PDE11A: variants seen among roughly 807,000 people sequenced by gnomAD.
PDE11A encodes dual 3',5'-cyclic-AMP and -GMP phosphodiesterase 11A.
Under a neutral mutation model 100.5 loss-of-function variants are expected in PDE11A, and 100 were observed. That is an observed-to-expected ratio of 1.00 (90% CI 0.85 to 1.18). The LOEUF is 1.18. Ranked by LOEUF, PDE11A falls within the 50% of genes most tolerant of loss-of-function variation. The probability of loss-of-function intolerance (pLI) is 0.00; values close to 1 mark genes in which losing one functional copy is unlikely to be tolerated. For synonymous variants in PDE11A, 381 were observed against 420.8 expected (o/e 0.91, Z 1.16); for missense variants, 1,141 against 1,152.6 (o/e 0.99, Z 0.15).
intron 5 of PDE11A, among the ~76,000 whole-genome samples, chr2:177,855,212 T>A (rs986136265): frequency 1.3e-5 from 2 of 152,138 alleles, no homozygotes; most frequent in Non-Finnish European, 2.9e-5. Context: ...GGAAATATTT[T>A]GTCTCATATC....
intron 9 of PDE11A, among the ~76,000 whole-genome samples, chr2:177,783,798 T>C (rs779704357): frequency 1.3e-5 from 2 of 152,240 alleles, no homozygotes; most frequent in African/African-American, 2.4e-5. Flanking sequence ...ATTGATCTCT[T>C]CCTATAAGCA....
chr2:177,802,691 G>A (rs916681341), intron 9 of PDE11A, among the ~76,000 whole-genome samples: 1 of 151,982 alleles, frequency 6.6e-6, no homozygotes, highest in Non-Finnish European at 1.5e-5. Flanking sequence ...TCTGGGGGTA[G>A]CAGTGATATC....
intron 6 of PDE11A, among the ~76,000 whole-genome samples, chr2:177,829,850 T>C (rs1265584817): frequency 6.6e-6 from 1 of 151,948 alleles, no homozygotes; most frequent in African/African-American, 2.4e-5. Context: ...TTCCCTTGAG[T>C]GTGGACAGGG....
rs530008409 is a variant in PDE11A at position 177,640,181 on chromosome 2, G to C, written c.2647-10619C>G. On this transcript the variant is annotated intron_variant, in intron 19 of 19. Coordinates refer to ENST00000286063, the MANE Select transcript of PDE11A (RefSeq NM_016953.4). The stretch of plus-strand genomic sequence containing the variant: ...TATACCATAGAGGAGAAAGAACTTA[G>C]AGTATTTTTTAATGTTGATTTTTAA... 2.0e-5 allele frequency among the ~76,000 whole-genome samples: 3 copies of C among 152,254 alleles called. No homozygotes were observed. In the South Asian group the frequency reaches 6.2e-4, roughly 32 times the overall value.
In PDE11A at chr2:177,749,352, C is replaced by T. The variant is rs186582744; in HGVS notation, c.1788+19971G>A. Among the ~76,000 whole-genome samples the T allele has an allele frequency of 6.6e-4, 101 of 152,296 alleles. 1 individual carries two copies. The Middle Eastern group carries it at 0.014, about 21-fold the overall frequency. ...TTGGCCTCATAAAGTGCTGGGATTA[C>T]AGGCATGAGCCACTGTAGGAGCTAA... On this transcript the variant is annotated intron_variant, in intron 10 of 19. Transcript: ENST00000286063.
At chr2:177,630,412 T>C (rs1210958165) in intron 19 of PDE11A, among the ~76,000 whole-genome samples, 1 of 152,198 alleles carries the variant, frequency 6.6e-6, no homozygotes, top group Non-Finnish European at 1.5e-5. Flanking sequence ...GTAAGATGGC[T>C]TACTTTAATT....
intron 10 of PDE11A, among the ~76,000 whole-genome samples, chr2:177,731,072 A>G (rs2081681362): frequency 1.3e-5 from 2 of 152,222 alleles, no homozygotes; most frequent in Non-Finnish European, 2.9e-5. Flanking sequence ...TTGACTCAGC[A>G]TAATGTCCTC....
At chr2:177,900,234 G>C (rs1410550908) in intron 3 of PDE11A, among the ~76,000 whole-genome samples, 5 of 152,190 alleles carry the variant, frequency 3.3e-5, no homozygotes, top group African/African-American at 1.2e-4. Context: ...TACATAGTCA[G>C]TGAATTGCCC....
intron 1 of PDE11A, among the ~76,000 whole-genome samples, chr2:178,033,872 T>A (rs1322327472): frequency 6.6e-6 from 1 of 152,204 alleles, no homozygotes; most frequent in Non-Finnish European, 1.5e-5. Context: ...CCACAAAGCC[T>A]GCCTTACAAG....
chr2:178,021,315 C>T (rs2086408714), intron 1 of PDE11A, among the ~76,000 whole-genome samples: 2 of 152,142 alleles, frequency 1.3e-5, no homozygotes, highest in African/African-American at 2.4e-5. Context: ...CATGCTTTGT[C>T]TGTGTCTTCA....
intron 5 of PDE11A, among the ~76,000 whole-genome samples, chr2:177,842,389 C>G (rs1232241689): frequency 5.9e-5 from 9 of 152,180 alleles, no homozygotes; most frequent in Admixed American, 5.9e-4. Context: ...TAGAAGGAAA[C>G]AGCAGGAACA....
chr2:177,775,143 C>T (rs1038032396), intron 9 of PDE11A, among the ~76,000 whole-genome samples: 18 of 152,124 alleles, frequency 1.2e-4, no homozygotes, highest in Admixed American at 1.1e-3. Flanking sequence ...AAGAATGTAG[C>T]CTTACATACA....
chr2:177,657,817 T>C (rs1026014764), intron 19 of PDE11A, among the ~76,000 whole-genome samples: 3 of 152,056 alleles, frequency 2.0e-5, no homozygotes, highest in African/African-American at 7.2e-5. Context: ...CTAAAGCAAG[T>C]TGGTATCGCC....
chr2:177,652,784 A>G (rs1486303118), intron 19 of PDE11A, among the ~76,000 whole-genome samples: 1 of 152,180 alleles, frequency 6.6e-6, no homozygotes, highest in Non-Finnish European at 1.5e-5. Context: ...GTTTTACAAC[A>G]TATTTCTTAG....
Position 178,072,165 on chromosome 2 carries a change from C to T in PDE11A, c.273G>A (p.Gly91=). ...SAHSQPLPGG[G]DCGGVPLSPS... ...GACTCAAGGGAACCCCACCACAGTC[C>T]CCGCCACCGGGAAGGGGCTGGCTGT... Residue 91 remains glycine, a synonymous_variant, in exon 1 of 20, where the codon GGG becomes GGA. Transcript: ENST00000286063. The T allele has an allele frequency of 6.2e-7, 1 of 1,613,954 alleles. No individual in the cohort carries two copies. Among genetic ancestry groups the T allele is most frequent in the South Asian group, 1.1e-5 (1 of 91,076 alleles).
intron 1 of PDE11A, among the ~76,000 whole-genome samples, chr2:178,043,066 T>G (rs928881138): frequency 6.6e-6 from 1 of 152,206 alleles, no homozygotes; most frequent in African/African-American, 2.4e-5. Flanking sequence ...ACTGATACTG[T>G]CACAAAGATA....
At chr2:177,817,611 AAG>A (rs2083062935) in intron 8 of PDE11A, among the ~76,000 whole-genome samples, 1 of 152,332 alleles carries the variant, frequency 6.6e-6, no homozygotes, top group African/African-American at 2.4e-5. Context: ...CTTTGGGGAA[AAG>A]AGAGGGTAAT....
chr2:177,718,084 G>A (rs993882980), intron 12 of PDE11A, among the ~76,000 whole-genome samples: 1 of 152,208 alleles, frequency 6.6e-6, no homozygotes, highest in Non-Finnish European at 1.5e-5. Context: ...TGAGCACTGG[G>A]TAGATTTGAG....
chr2:177,871,852 C>A (rs1317774105), intron 5 of PDE11A, among the ~76,000 whole-genome samples: 1 of 151,888 alleles, frequency 6.6e-6, no homozygotes, highest in African/African-American at 2.4e-5. Flanking sequence ...CAGAGTGAGA[C>A]CCTGTCTCTA....
Sources: allele counts gnomAD v4.1 joint callset (sites outside exome capture counted in the v4.1 genomes callset), GRCh38; gene constraint gnomAD v4.1.1; transcripts MANE v1.5; gene names NCBI Gene and HGNC (gene_info 2026-07-23, HGNC 2026-07-21).